Variants in ASAP3 observed in about 807,000 individuals in gnomAD.
ASAP3 encodes ArfGAP with SH3 domain, ankyrin repeat and PH domain 3, also known as arf-GAP with SH3 domain, ANK repeat and PH domain-containing protein 3.
In ASAP3, 85 loss-of-function variants were observed where a neutral mutation model predicts 118.2. The ratio of observed to expected loss-of-function variants is 0.72; its 90% CI spans 0.60 to 0.86. The LOEUF (loss-of-function observed/expected upper bound fraction) is 0.86, where lower values mean the gene tolerates loss of function less well. Ranked by LOEUF, ASAP3 falls within the 40% of genes least tolerant of loss-of-function variation. The pLI is 0.00. For missense variants in ASAP3, 1,026 were observed against 1,175.0 expected (o/e 0.87, Z 1.85); for synonymous variants, 432 against 477.4 (o/e 0.90, Z 1.24).
Position 23,441,214 on chromosome 1 carries a change from G to A in ASAP3, c.835-3C>T, listed in dbSNP as rs773374444. 2 of 1,614,146 alleles carry A rather than the reference G, an allele frequency of 1.2e-6. No homozygotes were observed. Among genetic ancestry groups the A allele is most frequent in the East Asian group, 4.5e-5 (2 of 44,872 alleles). ...GAGTTCTTCCGGCTCAGGTGTTCCT[G>A]TCCCTCGGACATGCAAAGGAGACCT... is the stretch of plus-strand genomic sequence containing the variant. On this transcript the variant is annotated splice_polypyrimidine_tract_variant and splice_region_variant and intron_variant, in intron 9 of 24. Coordinates refer to ENST00000336689, the MANE Select transcript of ASAP3 (RefSeq NM_017707.4).
chr1:23,483,778 T>G (rs1465366820), intron 1 of ASAP3, among the ~76,000 whole-genome samples: 2 of 152,174 alleles, frequency 1.3e-5, no homozygotes, highest in Non-Finnish European at 2.9e-5. Flanking sequence ...CTGTGGAGTT[T>G]GTCATCGAAG....
chr1:23,449,435 C>T (rs1310730408), intron 5 of ASAP3, among the ~76,000 whole-genome samples: 2 of 152,218 alleles, frequency 1.3e-5, no homozygotes, highest in African/African-American at 4.8e-5. Context: ...GGTAATCCTC[C>T]TCCTATATGA....
intron 5 of ASAP3, among the ~76,000 whole-genome samples, chr1:23,445,983 GAAAAAAAAAAAAGAAGAAGGAAT>G (rs1558136724): frequency 7.1e-6 from 1 of 141,430 alleles, no homozygotes; most frequent in Non-Finnish European, 1.6e-5. Flanking sequence ...TCTGTCTCAA[GAAAAAAAAAAAAGAAGAAGGAAT>G]ATCTGTACAT....
intron 24 of ASAP3, 77 bp downstream of exon 24, chr1:23,430,958 A>G (rs758285784): frequency 9.9e-5 from 135 of 1,369,176 alleles, no homozygotes; most frequent in Middle Eastern, 4.5e-4. Context: ...TCCCACCCCA[A>G]TACGCCTACT....
rs1470215991 is a variant in ASAP3, at chr1:23,441,460, T to G, written c.761A>C (p.Gln254Pro). Residue 254 changes from glutamine (Q) to proline (P), a missense_variant, in exon 9 of 25, where the codon CAG (glutamine) becomes CCG (proline). By Grantham distance (76) the Gln-to-Pro change is moderately conservative. Coordinates refer to ENST00000336689, the MANE Select transcript of ASAP3 (RefSeq NM_017707.4). ...GGTCAGCTTCTGTAGCTCGTCCTCC[T>G]GGGCCTGATGGAGCTATGGGACAGA... ...AASVHALHQA[Q>P]EDELQKLTQL... The G allele has an allele frequency of 1.2e-6, 2 of 1,614,004 alleles. No individual in the cohort carries two copies. Among genetic ancestry groups the G allele is most frequent in the Non-Finnish European group, 8.5e-7 (1 of 1,180,028 alleles).
chr1:23,463,199 A>G (rs1440187907), intron 1 of ASAP3, among the ~76,000 whole-genome samples: 1 of 152,202 alleles, frequency 6.6e-6, no homozygotes, highest in Non-Finnish European at 1.5e-5. Context: ...CCTTCCTTCA[A>G]GAGAACCACA....
In ASAP3 at chr1:23,431,046, T is replaced by C; in HGVS notation, c.2626A>G (p.Arg876Gly). Residue 876 changes from arginine (R) to glycine (G), a missense_variant, in exon 24 of 25, where the codon AGG becomes GGG. Transcript: ENST00000336689. The stretch of plus-strand genomic sequence containing the variant: ...CCCAGAGTTCCTACCGGCACGTTCC[T>C]TCTGGGCAGAGGCTGCCTGGCTGAG... The part of the protein sequence containing the change: ...GPSARQPLPR[R>G]NVPVGITEGD... 6.3e-7 allele frequency: 1 copy of C among 1,587,364 alleles called. No homozygotes were observed.
At chr1:23,451,682 A>G (rs1641220404) in intron 4 of ASAP3, among the ~76,000 whole-genome samples, 154 bp from the exon 5 acceptor site, 1 of 152,066 alleles carries the variant, frequency 6.6e-6, no homozygotes, top group Non-Finnish European at 1.5e-5. Context: ...GTCCTGCTGC[A>G]AACCTGCCCC....
Position 23,441,658 on chromosome 1 carries a change from A to C in ASAP3, c.744T>G (p.His248Gln). The change falls in exon 8 of 25, where the codon CAT (histidine) becomes CAG (glutamine). Residue 248 changes from histidine to glutamine, a missense_variant. Physicochemically the swap from His to Gln is conservative, Grantham distance 24 (BLOSUM62 0). Coordinates refer to ENST00000336689, the MANE Select transcript of ASAP3 (RefSeq NM_017707.4). ...CCAAGGGTGAGACCCAACTTACTGC[A>C]TGTACTGAGGCCGCCAGCTTCTCGA... is the stretch of plus-strand genomic sequence containing the variant. ...PFIEKLAASV[H>Q]ALHQAQEDEL... 6.2e-7 allele frequency: 1 copy of C among 1,614,178 alleles called. No homozygotes were observed. Among genetic ancestry groups the C allele is most frequent in the Non-Finnish European group, 8.5e-7 (1 of 1,180,036 alleles).
At chr1:23,435,036 T>C (rs912399850) in intron 17 of ASAP3, among the ~76,000 whole-genome samples, 5 of 152,148 alleles carry the variant, frequency 3.3e-5, no homozygotes, top group Non-Finnish European at 7.3e-5. Context: ...TACCCGTTTT[T>C]AGTTTTTCTG....
intron 3 of ASAP3, among the ~76,000 whole-genome samples, chr1:23,455,145 A>G (rs1570373592): frequency 6.6e-6 from 1 of 152,128 alleles, no homozygotes; most frequent in Non-Finnish European, 1.5e-5. Flanking sequence ...GAACCGTGTG[A>G]CCTCGGGCAA....
chr1:23,480,411 C>T (rs1386561421), intron 1 of ASAP3, among the ~76,000 whole-genome samples: 1 of 152,148 alleles, frequency 6.6e-6, no homozygotes, highest in Non-Finnish European at 1.5e-5. Context: ...TGAATTCACT[C>T]CCTTGTCCTC....
chr1:23,463,015 G>A (rs1002154734), intron 1 of ASAP3, among the ~76,000 whole-genome samples: 5 of 152,150 alleles, frequency 3.3e-5, no homozygotes, highest in Admixed American at 1.3e-4. Context: ...GTAGAGGGGA[G>A]GGAATGCTTG....
chr1:23,460,498 C>T (rs1641547608), intron 1 of ASAP3, among the ~76,000 whole-genome samples: 2 of 109,308 alleles, frequency 1.8e-5, no homozygotes, highest in Non-Finnish European at 3.6e-5. Flanking sequence ...CAGAGTGAGA[C>T]TCCATCTCAA....
chr1:23,433,051 G>A (rs1640495151), intron 22 of ASAP3, 26 bp downstream of exon 22: 2 of 1,612,510 alleles, frequency 1.2e-6, no homozygotes, highest in Non-Finnish European at 1.7e-6. Flanking sequence ...GGCATGGTGA[G>A]CATTTATCTG....
At chr1:23,439,320 G>A (rs754111316) in intron 10 of ASAP3, 90 bp from the exon 11 acceptor site, 57 of 1,180,262 alleles carry the variant, frequency 4.8e-5, no homozygotes, top group Non-Finnish European at 6.7e-5. Flanking sequence ...CCACCTGTAT[G>A]ATCTCTAGCC....
chr1:23,457,030 G>C (rs1205155063), intron 1 of ASAP3, among the ~76,000 whole-genome samples: 1 of 152,242 alleles, frequency 6.6e-6, no homozygotes, highest in African/African-American at 2.4e-5. Context: ...CCCCCTTTCA[G>C]TGGGGCATGG....
intron 1 of ASAP3, among the ~76,000 whole-genome samples, chr1:23,478,062 A>G (rs1642190591): frequency 6.6e-6 from 1 of 152,310 alleles, no homozygotes; most frequent in Non-Finnish European, 1.5e-5. Context: ...GAGCAACATG[A>G]TTGGGTCCAC....
intron 1 of ASAP3, among the ~76,000 whole-genome samples, chr1:23,460,550 C>CAAAT (rs1027201310): frequency 4.0e-4 from 58 of 145,650 alleles, no homozygotes; most frequent in African/African-American, 1.2e-3. Flanking sequence ...CACACACACA[C>CAAAT]AAATAAATAA....
Sources: gnomAD v4.1 joint callset for allele counts (sites outside exome capture counted in the v4.1 genomes callset) on GRCh38, gnomAD v4.1.1 for gene constraint, MANE v1.5 for transcripts, NCBI Gene and HGNC (gene_info 2026-07-23, HGNC 2026-07-21) for gene names.